The following UGGT1 variants were observed in gnomAD, a reference collection of about 807,000 sequenced individuals.
UGGT1 encodes UDP-glucose glycoprotein glucosyltransferase 1, also known as UDP-glucose:glycoprotein glucosyltransferase 1.
Under a neutral mutation model 203.9 loss-of-function variants are expected in UGGT1, and 107 were observed. The observed-to-expected ratio is 0.52, with a 90% CI of 0.45 to 0.62. The LOEUF (loss-of-function observed/expected upper bound fraction) is 0.62, where lower values mean the gene tolerates loss of function less well. Ranked by LOEUF, UGGT1 falls within the 20% of genes least tolerant of loss-of-function variation. The pLI is 0.00. For missense variants in UGGT1, 1,673 were observed against 1,867.2 expected (o/e 0.90, Z 1.92); for synonymous variants, 628 against 653.5 (o/e 0.96, Z 0.59).
rs1362840902 is a variant in UGGT1, at chr2:128,159,614, A to C, written c.2456A>C (p.Gln819Pro). ...QISRAIWAAL[Q>P]TQTSNAAKNF... Reference sequence around the variant, plus strand: ...TCCAGAGCAATCTGGGCAGCTCTCCAAACTCAGACTTCCAACGCTGCTAAG... The same window carrying C: ...TCCAGAGCAATCTGGGCAGCTCTCCCAACTCAGACTTCCAACGCTGCTAAG... Residue 819 changes from glutamine to proline, a missense_variant, in exon 23 of 41, where the codon CAA becomes CCA. By Grantham distance (76) the Gln-to-Pro change is moderately conservative (BLOSUM62 -1). Transcript: ENST00000259253. 3.7e-6 allele frequency: 6 copies of C among 1,614,104 alleles called. No homozygotes were observed. The Admixed American group carries it at 1.0e-4, about 27-fold the overall frequency.
intron 11 of UGGT1, among the ~76,000 whole-genome samples, chr2:128,124,469 A>G (rs1206159001): frequency 2.6e-5 from 4 of 152,090 alleles, no homozygotes; most frequent in Non-Finnish European, 5.9e-5. Context: ...TTTTTAAAAA[A>G]ATCTCTGTAC....
intron 1 of UGGT1, among the ~76,000 whole-genome samples, chr2:128,094,811 C>G (rs976305974): frequency 2.9e-5 from 4 of 137,362 alleles, no homozygotes; most frequent in Non-Finnish European, 4.5e-5. Context: ...TGCAGTGGTG[C>G]GATCTCGACT....
intron 30 of UGGT1, among the ~76,000 whole-genome samples, chr2:128,174,507 G>T (rs1219633496): frequency 6.6e-6 from 1 of 152,056 alleles, no homozygotes; most frequent in East Asian, 1.9e-4. Context: ...CACCATGTTA[G>T]CCAGGCTGGT....
chr2:128,186,713 C>T lies in UGGT1; in HGVS notation c.4390C>T (p.Pro1464Ser), dbSNP rs1691999498. The T allele has an allele frequency of 1.2e-6, 2 of 1,613,244 alleles. No homozygotes were observed. Among genetic ancestry groups the T allele is most frequent in the East Asian group, 2.2e-5 (1 of 44,858 alleles). Residue 1464 changes from proline to serine, a missense_variant, in exon 39 of 41, where the codon CCA becomes TCA. Pro to Ser is a moderately conservative substitution (Grantham distance 74). Coordinates refer to ENST00000259253, the MANE Select transcript of UGGT1 (RefSeq NM_020120.4). ...DLPNNMIHQVPIKSLPQEWLW... is the reference protein window; with the variant it reads ...DLPNNMIHQVSIKSLPQEWLW... ...GCCCAATAACATGATTCATCAGGTG[C>T]CAATTAAATCCCTCCCTCAAGAATG...
chr2:128,115,344 T>G lies in UGGT1; in HGVS notation c.793+124T>G, dbSNP rs77454405. ...ACCTGTGTTTGCATCCTGGTTCTGTTACACCTGAGTGGGTGACCCTTAAGC... is the reference window on the plus strand; with the variant it reads ...ACCTGTGTTTGCATCCTGGTTCTGTGACACCTGAGTGGGTGACCCTTAAGC... On this transcript the variant is annotated intron_variant, in intron 7 of 40. Coordinates refer to ENST00000259253, the MANE Select transcript of UGGT1 (RefSeq NM_020120.4). 205 of 794,856 alleles carry G rather than the reference T, an allele frequency of 2.6e-4. No individual in the cohort carries two copies. In the African/African-American group the frequency reaches 3.3e-3, roughly 13 times the overall value. 49.2% of individuals were successfully genotyped at this position (794,856 alleles called of 1,614,324 possible).
intron 5 of UGGT1, among the ~76,000 whole-genome samples, chr2:128,109,974 G>A (rs138384844): frequency 6.6e-6 from 1 of 152,280 alleles, no homozygotes; most frequent in Non-Finnish European, 1.5e-5. Flanking sequence ...AAATGGAGAT[G>A]ATACAAGTAT....
intron 39 of UGGT1, 29 bp downstream of exon 39, chr2:128,186,828 G>A: frequency 6.6e-7 from 1 of 1,513,908 alleles, no homozygotes; most frequent in Non-Finnish European, 9.1e-7. Flanking sequence ...GCTTCTGCAT[G>A]TTCATCCACT....
chr2:128,130,431 T>C (rs1477780170), intron 13 of UGGT1, among the ~76,000 whole-genome samples: 2 of 152,210 alleles, frequency 1.3e-5, no homozygotes, highest in Non-Finnish European at 2.9e-5. Flanking sequence ...TAATCATTAC[T>C]TGAATTCATA....
rs1692422426 is a variant in UGGT1 at position 128,194,451 on chromosome 2, G to C, written c.*4709G>C. 6.6e-6 allele frequency: 1 copy of C among 152,210 alleles called. No homozygotes were observed. The highest frequency in any genetic ancestry group is 1.5e-5 in the Non-Finnish European group (1 of 68,092). The allele number at this position is 152,210 out of a possible 1,614,324, so 9.4% of individuals were successfully genotyped here. A position where few individuals can be genotyped will look rare whatever the true frequency, so the allele number is the denominator to read the frequency against. ...CTAGCTAATTTTTGTATTTTTAGTA[G>C]AGACGGGGTTTTGCCATGTTGGCCA... On this transcript the variant is annotated 3_prime_UTR_variant, in exon 41 of 41. Transcript: ENST00000259253.
Position 128,143,148 on chromosome 2 carries a change from G to A in UGGT1, c.1774G>A (p.Val592Ile). 1.2e-6 allele frequency: 2 copies of A among 1,613,994 alleles called. No individual in the cohort carries two copies. Among genetic ancestry groups the A allele is most frequent in the Non-Finnish European group, 1.7e-6 (2 of 1,179,934 alleles). Residue 592 changes from valine (V) to isoleucine (I), a missense_variant, in exon 17 of 41, where the codon GTC becomes ATC. Physicochemically the swap from Val to Ile is conservative, Grantham distance 29. Transcript: ENST00000259253. Reference sequence around the variant, plus strand: ...AGTGAAAGTTGAACATGTGGTCAGTGTCCTGGAGAAGAAATATCCGTATGT... The same window carrying A: ...AGTGAAAGTTGAACATGTGGTCAGTATCCTGGAGAAGAAATATCCGTATGT... ...EKVKVEHVVS[V>I]LEKKYPYVEV...
chr2:128,134,810 T>A, intron 14 of UGGT1, 66 bp from the exon 15 acceptor site: 5 of 1,464,648 alleles, frequency 3.4e-6, no homozygotes, highest in Non-Finnish European at 4.7e-6. Flanking sequence ...ACTCATAACA[T>A]TTTTCTCGGC....
At chr2:128,180,589 A>G (rs947769619) in intron 35 of UGGT1, among the ~76,000 whole-genome samples, 1 of 152,232 alleles carries the variant, frequency 6.6e-6, no homozygotes, top group African/African-American at 2.4e-5. Flanking sequence ...AGTTTAGACA[A>G]ATGGACTTAA....
chr2:128,108,494 A>C (rs1256614095), intron 4 of UGGT1, among the ~76,000 whole-genome samples: 1 of 152,226 alleles, frequency 6.6e-6, no homozygotes, highest in Non-Finnish European at 1.5e-5. Flanking sequence ...TCTTCAGTAC[A>C]TAAATTATGG....
chr2:128,127,233 C>T (rs1688648155), intron 11 of UGGT1, 128 bp from the exon 12 acceptor site: 1 of 648,288 alleles, frequency 1.5e-6, no homozygotes, highest in African/African-American at 1.8e-5. Flanking sequence ...ATCCCAACAG[C>T]ATCTTGAAGC....
chr2:128,183,629 G>A (rs1437297635), intron 37 of UGGT1, 46 bp from the exon 38 acceptor site: 5 of 1,448,518 alleles, frequency 3.5e-6, no homozygotes, highest in Non-Finnish European at 4.8e-6. Context: ...TAGTTTTCCT[G>A]TCGTAATCCA....
At chr2:128,120,540 T>C in intron 9 of UGGT1, 84 bp downstream of exon 9, 1 of 1,028,588 alleles carries the variant, frequency 9.7e-7, no homozygotes, top group Non-Finnish European at 1.5e-6. Flanking sequence ...AATTTAATTG[T>C]ATGTAGTACG....
intron 5 of UGGT1, 102 bp downstream of exon 5, chr2:128,109,848 T>A: frequency 1.1e-6 from 1 of 940,512 alleles, no homozygotes; most frequent in Non-Finnish European, 1.7e-6. Context: ...TCATTAGGTG[T>A]AATGGTTTAG....
chr2:128,172,442 CT>C, intron 28 of UGGT1, 130 bp from the exon 29 acceptor site: 1 of 1,226,770 alleles, frequency 8.2e-7, no homozygotes, highest in African/African-American at 1.5e-5. Flanking sequence ...TTTGGAAACA[CT>C]TTTCCCAATC....
At chr2:128,134,787 T>G (rs1689053203) in intron 14 of UGGT1, 89 bp from the exon 15 acceptor site, 11 of 1,185,568 alleles carry the variant, frequency 9.3e-6, no homozygotes, top group East Asian at 2.5e-5. Context: ...AAAGGTTGGC[T>G]TCATGTACAG....
Sources: gnomAD v4.1 joint callset for allele counts (sites outside exome capture counted in the v4.1 genomes callset) on GRCh38, gnomAD v4.1.1 for gene constraint, MANE v1.5 for transcripts, NCBI Gene and HGNC (gene_info 2026-07-23, HGNC 2026-07-21) for gene names.